Variants in P2RY14 observed in about 807,000 individuals in gnomAD.
P2RY14 encodes the protein purinergic receptor P2Y14, also known as P2Y purinoceptor 14.
A neutral mutation model predicts 0.9 loss-of-function variants in P2RY14; 2 were observed. The ratio of observed to expected loss-of-function variants is 2.16; its 90% CI spans 0.88 to 6.79. The LOEUF (loss-of-function observed/expected upper bound fraction) is 6.79, where lower values mean the gene tolerates loss of function less well. Among genes scored for constraint, P2RY14 ranks in the 30% most tolerant of loss-of-function variants. The pLI is 0.05. For synonymous variants in P2RY14, 158 were observed against 147.2 expected, an observed-to-expected ratio of 1.07 and a Z score of -0.53; for missense variants, 378 against 400.1, an observed-to-expected ratio of 0.94 and a Z score of 0.47.
intron 1 of P2RY14, among the ~76,000 whole-genome samples, chr3:151,256,271 G>C (rs891478495): frequency 6.6e-6 from 1 of 152,154 alleles, no homozygotes; most frequent in Admixed American, 6.6e-5. Flanking sequence ...CAGTACCCTG[G>C]TAAACTCAAA....
intron 1 of P2RY14, among the ~76,000 whole-genome samples, chr3:151,235,023 G>A (rs78028746): frequency 2.0e-5 from 3 of 152,144 alleles, no homozygotes; most frequent in African/African-American, 7.2e-5. Context: ...GTGTTTTTTT[G>A]TATGCGGTGG....
intron 1 of P2RY14, among the ~76,000 whole-genome samples, chr3:151,260,696 C>T (rs1738701430): frequency 6.6e-6 from 1 of 152,164 alleles, no homozygotes; most frequent in African/African-American, 2.4e-5. Flanking sequence ...CAGCTCAATG[C>T]TGACCGGCTT....
chr3:151,227,645 C>A (rs1730803679), intron 1 of P2RY14, among the ~76,000 whole-genome samples: 1 of 152,150 alleles, frequency 6.6e-6, no homozygotes, highest in African/African-American at 2.4e-5. Context: ...CACCTCATGA[C>A]CTCCAATGGA....
chr3:151,237,762 T>C (rs2149360955), intron 1 of P2RY14, among the ~76,000 whole-genome samples: 1 of 152,320 alleles, frequency 6.6e-6, no homozygotes, highest in Non-Finnish European at 1.5e-5. Context: ...ATTAAAAATT[T>C]TTTTCTTATG....
At chr3:151,235,305 C>G (rs1001207401) in intron 1 of P2RY14, among the ~76,000 whole-genome samples, 11 of 152,168 alleles carry the variant, frequency 7.2e-5, no homozygotes, top group Non-Finnish European at 2.9e-5. Flanking sequence ...GCCCTGCAAG[C>G]ATGACCAGCT....
intron 1 of P2RY14, among the ~76,000 whole-genome samples, chr3:151,241,019 G>A (rs756423465): frequency 6.6e-6 from 1 of 152,076 alleles, no homozygotes; most frequent in African/African-American, 2.4e-5. Context: ...AAAACATCCA[G>A]TGAGATGAGA....
intron 1 of P2RY14, among the ~76,000 whole-genome samples, chr3:151,242,763 G>A (rs1285065877): frequency 6.6e-6 from 1 of 152,198 alleles, no homozygotes; most frequent in East Asian, 1.9e-4. Context: ...AAAGCTGGAT[G>A]GAGAATGACT....
chr3:151,239,420 C>A (rs896912016), intron 1 of P2RY14, among the ~76,000 whole-genome samples: 3 of 152,102 alleles, frequency 2.0e-5, no homozygotes, highest in South Asian at 2.1e-4. Flanking sequence ...TACTTTTAAC[C>A]TAAACATTTT....
Position 151,219,568 on chromosome 3 carries a change from C to G in P2RY14, c.-58G>C, listed in dbSNP as rs2055515640. On this transcript the variant is annotated 5_prime_UTR_variant, in exon 2 of 3. Coordinates refer to ENST00000309170, the MANE Select transcript of P2RY14 (RefSeq NM_014879.4). ...ATTTTTTTTGCATAATATGAGGTCT[C>G]TTTTCAGTGAAGGTGTTTTGCCCAG... 1 of 152,102 alleles carries G rather than the reference C, an allele frequency of 6.6e-6. No homozygotes were observed. Among genetic ancestry groups the G allele is most frequent in the Admixed American group, 6.5e-5 (1 of 15,278 alleles). The allele number at this position is 152,102 out of a possible 1,614,324, so 9.4% of individuals were successfully genotyped here.
chr3:151,263,780 GC>G (rs1739343978), intron 1 of P2RY14, among the ~76,000 whole-genome samples: 2 of 152,088 alleles, frequency 1.3e-5, no homozygotes, highest in Non-Finnish European at 2.9e-5. Flanking sequence ...CCACTTATCA[GC>G]TCTGTGACTC....
chr3:151,256,202 C>T (rs1421026842), intron 1 of P2RY14, among the ~76,000 whole-genome samples: 1 of 152,106 alleles, frequency 6.6e-6, no homozygotes. Context: ...CAATACATAA[C>T]TCATGGAAAG....
intron 1 of P2RY14, among the ~76,000 whole-genome samples, chr3:151,246,119 G>A (rs1416675258): frequency 6.6e-6 from 1 of 152,068 alleles, no homozygotes; most frequent in Non-Finnish European, 1.5e-5. Context: ...GGAAATAAAA[G>A]AGGATACAAA....
intron 1 of P2RY14, among the ~76,000 whole-genome samples, chr3:151,229,305 CTT>C (rs35097589): frequency 0.12 from 13,247 of 112,080 alleles, 592 homozygotes; most frequent in Middle Eastern, 0.17. Context: ...TTCAGCAATT[CTT>C]TTTTTTTTTT....
chr3:151,215,820 C>T lies in P2RY14; in HGVS notation c.-24-1480G>A, dbSNP rs370875299. ...TTGTTCTGCCTCCTGCTTCCTCCAC[C>T]CCCAGCACTGAGTTCCTGCTGTCCT... On this transcript the variant is annotated intron_variant, in intron 2 of 2. Transcript: ENST00000309170. Among the ~76,000 whole-genome samples, 231 of 152,294 alleles carry T rather than the reference C, an allele frequency of 1.5e-3. 5 individuals carry two copies. In the South Asian group the frequency reaches 0.043, roughly 28 times the overall value.
chr3:151,230,296 T>G (rs1447611349), intron 1 of P2RY14, among the ~76,000 whole-genome samples: 1 of 152,230 alleles, frequency 6.6e-6, no homozygotes. Context: ...TGAATATGCG[T>G]GTCTGTTTTA....
intron 1 of P2RY14, among the ~76,000 whole-genome samples, chr3:151,264,644 T>C (rs1487064673): frequency 6.6e-6 from 1 of 152,214 alleles, no homozygotes; most frequent in African/African-American, 2.4e-5. Context: ...TCATAATCAA[T>C]GCTGGGAGCA....
intron 1 of P2RY14, among the ~76,000 whole-genome samples, chr3:151,221,137 C>G (rs538935284): frequency 6.6e-6 from 1 of 152,064 alleles, no homozygotes; most frequent in African/African-American, 2.4e-5. Context: ...CCTAGAGATT[C>G]GTGGAACTTT....
intron 1 of P2RY14, among the ~76,000 whole-genome samples, chr3:151,267,794 T>A (rs1377157930): frequency 6.6e-6 from 1 of 152,024 alleles, no homozygotes; most frequent in Admixed American, 6.5e-5. Context: ...TAAGGCAGAG[T>A]AATAAGAAAG....
chr3:151,273,402 A>ATTTTTTTTTTT (rs531443713), intron 1 of P2RY14, among the ~76,000 whole-genome samples: 15 of 113,574 alleles, frequency 1.3e-4, no homozygotes, highest in East Asian at 2.5e-4. Flanking sequence ...TAATTTTTGT[A>ATTTTTTTTTTT]TTTTTTTTTT....
Sources: allele counts gnomAD v4.1 joint callset (sites outside exome capture counted in the v4.1 genomes callset), GRCh38; gene constraint gnomAD v4.1.1; transcripts MANE v1.5; gene names NCBI Gene and HGNC (gene_info 2026-07-23, HGNC 2026-07-21).